Variants in NTRK3 observed in about 807,000 individuals in gnomAD.
The protein encoded by NTRK3 is NT-3 growth factor receptor.
A neutral mutation model predicts 91.7 loss-of-function variants in NTRK3; 24 were observed. The ratio of observed to expected loss-of-function variants is 0.26; its 90% CI spans 0.19 to 0.37. The LOEUF is 0.37. Ranked by LOEUF, NTRK3 falls within the 10% of genes least tolerant of loss-of-function variation. NTRK3 has a pLI of 1.00. For synonymous variants in NTRK3, 483 were observed against 404.0 expected (o/e 1.20, Z -2.34); for missense variants, 880 against 1,068.9 (o/e 0.82, Z 2.46).
At chr15:88,002,015 A>G (rs928611781) in intron 14 of NTRK3, among the ~76,000 whole-genome samples, 1 of 152,114 alleles carries the variant, frequency 6.6e-6, no homozygotes, top group Non-Finnish European at 1.5e-5. Context: ...ATTTAAAAAT[A>G]GAGTAAAAAT....
At chr15:88,071,207 G>A (rs746939030) in intron 13 of NTRK3, among the ~76,000 whole-genome samples, 2 of 152,194 alleles carry the variant, frequency 1.3e-5, no homozygotes, top group African/African-American at 2.4e-5. Flanking sequence ...CCTGAGGCCC[G>A]AGGACTCACT....
In NTRK3 at chr15:88,044,922, G is replaced by C. The variant is rs569320286; in HGVS notation, c.1397-11877C>G. Among the ~76,000 whole-genome samples, 3 of 152,278 alleles carry C rather than the reference G, an allele frequency of 2.0e-5. No homozygotes were observed. In the East Asian group the frequency reaches 5.8e-4, roughly 29 times the overall value. ...CACAAGCCCTGAAGGTACTTCTGCT[G>C]GGGGCTGTGCATGCCCTGCGGGACC... is the stretch of plus-strand genomic sequence containing the variant. On this transcript the variant is annotated intron_variant, in intron 13 of 18. Coordinates refer to ENST00000394480, the Ensembl canonical transcript of NTRK3.
intron 14 of NTRK3, among the ~76,000 whole-genome samples, chr15:88,030,723 T>C (rs1224093695): frequency 6.6e-6 from 1 of 152,112 alleles, no homozygotes; most frequent in East Asian, 1.9e-4. Flanking sequence ...TAGAGGCACG[T>C]TTCCAGCTGA....
chr15:87,906,447 A>G (rs2141695147), intron 17 of NTRK3, among the ~76,000 whole-genome samples: 1 of 152,262 alleles, frequency 6.6e-6, no homozygotes, highest in East Asian at 1.9e-4. Flanking sequence ...ATCCACAGCC[A>G]TGTTCACTTT....
chr15:88,030,793 G>A (rs1261018153), intron 14 of NTRK3, among the ~76,000 whole-genome samples: 2 of 151,234 alleles, frequency 1.3e-5, no homozygotes, highest in African/African-American at 4.9e-5. Flanking sequence ...TATTTTAATT[G>A]GAAAAAAAAA....
intron 17 of NTRK3, among the ~76,000 whole-genome samples, chr15:87,918,623 T>A (rs2067630878): frequency 6.6e-6 from 1 of 152,222 alleles, no homozygotes. Flanking sequence ...ACAATTTGCC[T>A]CCCTTTGGCT....
At chr15:87,903,288 G>A (rs1021239111) in intron 17 of NTRK3, among the ~76,000 whole-genome samples, 56 of 152,336 alleles carry the variant, frequency 3.7e-4, no homozygotes, top group African/African-American at 6.7e-4. Flanking sequence ...AAAGAATTGC[G>A]GAAGCAAAGG....
At chr15:88,164,760 C>G (rs1011498541) in intron 5 of NTRK3, among the ~76,000 whole-genome samples, 1 of 152,200 alleles carries the variant, frequency 6.6e-6, no homozygotes, top group Admixed American at 6.5e-5. Context: ...TCTCTGCCCC[C>G]TCTCTGTTAC....
intron 14 of NTRK3, chr15:87,978,546 G>A (rs2073919733): frequency 4.4e-6 from 1 of 228,970 alleles, no homozygotes; most frequent in Non-Finnish European, 8.7e-6. Context: ...CAGTTCATGG[G>A]TAAAACCTCC....
At chr15:88,048,101 C>T (rs560147127) in intron 13 of NTRK3, among the ~76,000 whole-genome samples, 16 of 152,240 alleles carry the variant, frequency 1.1e-4, no homozygotes, top group Admixed American at 3.3e-4. Flanking sequence ...TTGATGACAA[C>T]GACGCAGCCA....
intron 13 of NTRK3, among the ~76,000 whole-genome samples, chr15:88,082,739 T>C (rs1316258563): frequency 6.6e-6 from 1 of 152,074 alleles, no homozygotes; most frequent in Non-Finnish European, 1.5e-5. Context: ...GCTTGCAGAG[T>C]GTGTTCCCAA....
intron 14 of NTRK3, among the ~76,000 whole-genome samples, chr15:87,982,214 T>C (rs749908302): frequency 4.6e-5 from 7 of 152,182 alleles, no homozygotes; most frequent in Non-Finnish European, 1.0e-4. Context: ...TCCAAGATTC[T>C]AAAAGCTGAA....
chr15:88,051,737 G>GA (rs199730787), intron 13 of NTRK3, among the ~76,000 whole-genome samples: 1,865 of 151,650 alleles, frequency 0.012, 49 homozygotes, highest in African/African-American at 0.04. Context: ...AAGTAAAAAA[G>GA]AAAAAAAACA....
At chr15:87,966,130 G>A (rs2072773623) in intron 14 of NTRK3, among the ~76,000 whole-genome samples, 1 of 152,006 alleles carries the variant, frequency 6.6e-6, no homozygotes, top group Non-Finnish European at 1.5e-5. Context: ...TTGGGAACTA[G>A]GTGTCTTTCC....
chr15:88,244,049 G>C (rs1343788786), intron 3 of NTRK3, among the ~76,000 whole-genome samples: 1 of 152,184 alleles, frequency 6.6e-6, no homozygotes, highest in Non-Finnish European at 1.5e-5. Flanking sequence ...TGCAAGATCA[G>C]AATACACTTG....
Position 87,940,815 on chromosome 15 carries a change from CA to C in NTRK3, c.1586-63del, listed in dbSNP as rs942439623. On this transcript the variant is annotated intron_variant, in intron 14 of 18. Transcript: ENST00000394480. ...GTCCTCGTTTGGTGACACAGGGAGA[CA>C]GAAGAGTACAGAGGTCTAGCGTGGA... The C allele has an allele frequency of 1.9e-6, 3 of 1,611,040 alleles. No homozygotes were observed. In the African/African-American group the frequency reaches 4.0e-5, roughly 22 times the overall value.
At chr15:88,177,203 G>C (rs999378443) in intron 5 of NTRK3, among the ~76,000 whole-genome samples, 2 of 152,210 alleles carry the variant, frequency 1.3e-5, no homozygotes, top group Non-Finnish European at 2.9e-5. Flanking sequence ...CCATGGAAAG[G>C]GGCTTAGCTT....
At chr15:87,957,286 A>T (rs920893098) in intron 14 of NTRK3, among the ~76,000 whole-genome samples, 4 of 152,234 alleles carry the variant, frequency 2.6e-5, no homozygotes, top group African/African-American at 9.6e-5. Context: ...CTCAGCTATC[A>T]TCACCATGGC....
At chr15:88,172,510 C>T (rs868162042) in intron 5 of NTRK3, among the ~76,000 whole-genome samples, 3 of 152,188 alleles carry the variant, frequency 2.0e-5, no homozygotes, top group African/African-American at 4.8e-5. Flanking sequence ...AATGTTTACT[C>T]AGCATTACAC....
Sources: allele counts gnomAD v4.1 joint callset (sites outside exome capture counted in the v4.1 genomes callset), GRCh38; gene constraint gnomAD v4.1.1; transcripts MANE v1.5; gene names NCBI Gene and HGNC (gene_info 2026-07-23, HGNC 2026-07-21).